LRRC28: variants seen among roughly 807,000 people sequenced by gnomAD.
The protein encoded by LRRC28 is leucine-rich repeat-containing protein 28.
LRRC28 carries 39 observed loss-of-function variants against 45.7 expected under a neutral mutation model. That is an observed-to-expected ratio of 0.85 (90% CI 0.66 to 1.12). The LOEUF is 1.12. Ranked by LOEUF, LRRC28 falls within the 50% of genes most tolerant of loss-of-function variation. The probability of loss-of-function intolerance (pLI) is 0.00; values close to 1 mark genes in which losing one functional copy is unlikely to be tolerated. For synonymous variants in LRRC28, 206 were observed against 178.8 expected, an observed-to-expected ratio of 1.15 and a Z score of -1.22; for missense variants, 435 against 438.5, an observed-to-expected ratio of 0.99 and a Z score of 0.07.
chr15:99,308,334 G>T (rs1297935815), intron 5 of LRRC28, among the ~76,000 whole-genome samples: 4 of 151,990 alleles, frequency 2.6e-5, no homozygotes, highest in African/African-American at 9.7e-5. Context: ...TAAAAAAAAA[G>T]TCTGTTTCAA....
At chr15:99,334,635 A>G (rs1045612133) in intron 6 of LRRC28, among the ~76,000 whole-genome samples, 4 of 152,198 alleles carry the variant, frequency 2.6e-5, no homozygotes, top group South Asian at 2.1e-4. Flanking sequence ...TGGCTAAAAA[A>G]TAATATATTA....
intron 6 of LRRC28, chr15:99,338,024 A>C (rs1033438176): frequency 6.6e-6 from 1 of 152,232 alleles, no homozygotes; most frequent in African/African-American, 2.4e-5. Context: ...GCCTTGCTAC[A>C]TCTGGTATAC....
chr15:99,320,693 G>A (rs1955765520), intron 5 of LRRC28: 1 of 152,176 alleles, frequency 6.6e-6, no homozygotes, highest in African/African-American at 2.4e-5. Context: ...GGATCATGAT[G>A]TGAACCAAAA....
At chr15:99,342,317 T>G (rs1441146311) in intron 6 of LRRC28, among the ~76,000 whole-genome samples, 1 of 152,172 alleles carries the variant, frequency 6.6e-6, no homozygotes, top group African/African-American at 2.4e-5. Context: ...CTGGCCTGCA[T>G]GGGAGTGCCC....
At chr15:99,299,808 C>G (rs1471197464) in intron 5 of LRRC28, among the ~76,000 whole-genome samples, 1 of 151,980 alleles carries the variant, frequency 6.6e-6, no homozygotes, top group Non-Finnish European at 1.5e-5. Flanking sequence ...AAGCAGATAC[C>G]TTTTTTTGAG....
rs1197384337 is a variant in LRRC28 at position 99,388,234 on chromosome 15, A to G, written c.*2132A>G. On this transcript the variant is annotated 3_prime_UTR_variant, in exon 10 of 10. Coordinates refer to ENST00000301981, the MANE Select transcript of LRRC28 (RefSeq NM_144598.5). ...CTACCTATGATTTAAGTGACAGTAA[A>G]TGTCTTGCTACATTTTTCTATTTCA... The G allele has an allele frequency of 2.6e-5, 4 of 152,230 alleles. No individual in the cohort carries two copies. Among genetic ancestry groups the G allele is most frequent in the South Asian group, 4.1e-4 (2 of 4,834 alleles). The allele number at this position is 152,230 out of a possible 1,614,324, so 9.4% of individuals were successfully genotyped here.
intron 5 of LRRC28, among the ~76,000 whole-genome samples, chr15:99,325,041 G>A (rs1458719685): frequency 6.6e-6 from 1 of 152,190 alleles, no homozygotes; most frequent in Non-Finnish European, 1.5e-5. Context: ...CATCTCACCA[G>A]TGTTGTCTTC....
chr15:99,272,493 A>G (rs1466340814), intron 2 of LRRC28, among the ~76,000 whole-genome samples: 1 of 152,236 alleles, frequency 6.6e-6, no homozygotes, highest in Admixed American at 6.5e-5. Flanking sequence ...GCCCACCAGA[A>G]AATACTATTG....
At chr15:99,336,166 C>A (rs538089797) in intron 6 of LRRC28, among the ~76,000 whole-genome samples, 1 of 152,198 alleles carries the variant, frequency 6.6e-6, no homozygotes, top group East Asian at 1.9e-4. Context: ...TATTGAGCAC[C>A]GAGTCTTCGG....
intron 5 of LRRC28, among the ~76,000 whole-genome samples, chr15:99,313,507 C>G (rs1188174771): frequency 1.3e-5 from 2 of 152,124 alleles, no homozygotes; most frequent in Non-Finnish European, 2.9e-5. Context: ...CTGCAGCACA[C>G]ATAGAACATT....
intron 9 of LRRC28, among the ~76,000 whole-genome samples, chr15:99,377,526 T>G (rs1161888171): frequency 3.3e-5 from 5 of 152,348 alleles, no homozygotes; most frequent in African/African-American, 7.2e-5. Flanking sequence ...TCTTTTGCTG[T>G]GCAGAAGCTC....
At chr15:99,262,280 C>G (rs1039114770) in intron 2 of LRRC28, among the ~76,000 whole-genome samples, 2 of 151,996 alleles carry the variant, frequency 1.3e-5, no homozygotes, top group Admixed American at 1.3e-4. Flanking sequence ...AGACATGTTT[C>G]ATAATTCAGA....
chr15:99,384,506 A>C (rs1957923775), intron 9 of LRRC28: 1 of 152,208 alleles, frequency 6.6e-6, no homozygotes, highest in Non-Finnish European at 1.5e-5. Context: ...GATTCACTTA[A>C]GGCCACCATA....
At chr15:99,359,798 A>C (rs1169317220) in intron 7 of LRRC28, among the ~76,000 whole-genome samples, 3 of 152,206 alleles carry the variant, frequency 2.0e-5, no homozygotes, top group Non-Finnish European at 4.4e-5. Context: ...CTCTAAATCT[A>C]TCTTGATTGG....
chr15:99,355,706 C>T (rs1957027623), intron 7 of LRRC28: 1 of 147,430 alleles, frequency 6.8e-6, no homozygotes, highest in Non-Finnish European at 1.5e-5. Flanking sequence ...TAATCCTCTA[C>T]AGGATGTTTT....
rs1958061106 is a variant in LRRC28, at chr15:99,387,511, T to C, written c.*1409T>C. Reference sequence around the variant, plus strand: ...ACTGAGAAAATACAGGAAAAGCAGGTCCAAATTCAGCCTTCGACTTCTGCA... The same window carrying C: ...ACTGAGAAAATACAGGAAAAGCAGGCCCAAATTCAGCCTTCGACTTCTGCA... On this transcript the variant is annotated 3_prime_UTR_variant, in exon 10 of 10. Coordinates refer to ENST00000301981, the MANE Select transcript of LRRC28 (RefSeq NM_144598.5). The C allele has an allele frequency of 6.6e-6, 1 of 152,122 alleles. No individual in the cohort carries two copies. The highest frequency in any genetic ancestry group is 2.1e-4 in the South Asian group (1 of 4,820). 9.4% of individuals were successfully genotyped at this position (152,122 alleles called of 1,614,324 possible). A position where few individuals can be genotyped will look rare whatever the true frequency, so the allele number is the denominator to read the frequency against.
intron 2 of LRRC28, 99 bp downstream of exon 2, chr15:99,256,224 C>A (rs2081017063): frequency 1.1e-6 from 1 of 879,312 alleles, no homozygotes; most frequent in Non-Finnish European, 1.7e-6. Context: ...AGACTTATAT[C>A]CCCTGTTGTT....
At chr15:99,377,419 T>A (rs1230001727) in intron 9 of LRRC28, among the ~76,000 whole-genome samples, 1 of 152,354 alleles carries the variant, frequency 6.6e-6, no homozygotes, top group East Asian at 1.9e-4. Context: ...TTTGTTTGAG[T>A]TCTTTGTAGA....
chr15:99,341,174 T>C lies in LRRC28; in HGVS notation c.592+7045T>C, dbSNP rs1956497560. Among the ~76,000 whole-genome samples, 3 of 134,374 alleles carry C rather than the reference T, an allele frequency of 2.2e-5. No individual in the cohort carries two copies. In the South Asian group the frequency reaches 8.1e-4, roughly 36 times the overall value. 88.2% of individuals were successfully genotyped at this position (134,374 alleles called of 152,430 possible). A position where few individuals can be genotyped will look rare whatever the true frequency, so the allele number is the denominator to read the frequency against. On this transcript the variant is annotated intron_variant, in intron 6 of 9. Transcript: ENST00000301981. Reference sequence around the variant, plus strand: ...GGCGTGATCTGGGCTCACTACAACCTCCACCTCCCGGGTTCAAGTGATTCT... The same window carrying C: ...GGCGTGATCTGGGCTCACTACAACCCCCACCTCCCGGGTTCAAGTGATTCT...
Sources: allele counts gnomAD v4.1 joint callset (sites outside exome capture counted in the v4.1 genomes callset), GRCh38; gene constraint gnomAD v4.1.1; transcripts MANE v1.5; gene names NCBI Gene and HGNC (gene_info 2026-07-23, HGNC 2026-07-21).